The following IL5RA variants were observed in gnomAD, a reference collection of about 807,000 sequenced individuals.
IL5RA encodes the protein interleukin-5 receptor subunit alpha.
In IL5RA, 49 loss-of-function variants were observed where a neutral mutation model predicts 50.0. The observed-to-expected ratio is 0.98, with a 90% CI of 0.78 to 1.24. IL5RA has a LOEUF of 1.24. IL5RA is among the 50% of genes most tolerant of loss of function. The pLI is 0.00. For missense variants in IL5RA, 600 were observed against 500.4 expected (o/e 1.20, Z -1.90); for synonymous variants, 202 against 174.0 (o/e 1.16, Z -1.26).
At chr3:3,107,232 A>G (rs1214089250) in intron 2 of IL5RA, among the ~76,000 whole-genome samples, 6 of 137,318 alleles carry the variant, frequency 4.4e-5, no homozygotes, top group East Asian at 2.1e-4. Flanking sequence ...AGGGGTCTAA[A>G]TATTAAAAAG....
chr3:3,102,551 G>A lies in IL5RA; in HGVS notation c.228+124C>T, dbSNP rs1158492997. ...TTCTTAGAGAGACACTATTCTACTGGTAACATAACATAGAGCCTGTCAGTA... is the reference window on the plus strand; with the variant it reads ...TTCTTAGAGAGACACTATTCTACTGATAACATAACATAGAGCCTGTCAGTA... On this transcript the variant is annotated intron_variant, in intron 4 of 11. Coordinates refer to ENST00000446632, the MANE Select transcript of IL5RA (RefSeq NM_175726.4). 3 of 648,242 alleles carry A rather than the reference G, an allele frequency of 4.6e-6. No individual in the cohort carries two copies. The East Asian group carries it at 8.7e-5, about 19-fold the overall frequency. The allele number at this position is 648,242 out of a possible 1,614,324, so 40.2% of individuals were successfully genotyped here. A position where few individuals can be genotyped will look rare whatever the true frequency, so the allele number is the denominator to read the frequency against.
At chr3:3,078,871 G>A (rs1702573341) in intron 9 of IL5RA, among the ~76,000 whole-genome samples, 3 of 151,782 alleles carry the variant, frequency 2.0e-5, no homozygotes, top group Non-Finnish European at 4.4e-5. Flanking sequence ...AGGGATTCGG[G>A]CTGCTTCATT....
intron 9 of IL5RA, among the ~76,000 whole-genome samples, chr3:3,084,438 T>G (rs1358152846): frequency 2.0e-5 from 3 of 152,204 alleles, no homozygotes; most frequent in Non-Finnish European, 4.4e-5. Flanking sequence ...TTCCTACCCT[T>G]CAAGGATTTA....
At chr3:3,094,277 C>G (rs1559872497) in intron 8 of IL5RA, among the ~76,000 whole-genome samples, 1 of 152,122 alleles carries the variant, frequency 6.6e-6, no homozygotes, top group Non-Finnish European at 1.5e-5. Flanking sequence ...CTCCTTCCAC[C>G]CTCCTACCAA....
chr3:3,099,225 G>A (rs537411113), intron 5 of IL5RA, among the ~76,000 whole-genome samples: 4 of 152,304 alleles, frequency 2.6e-5, no homozygotes, highest in East Asian at 1.9e-4. Flanking sequence ...GGCCAGGCAC[G>A]GTGCTCATGC....
In IL5RA at chr3:3,105,106, T is replaced by A. The variant is rs143238062; in HGVS notation, c.-3-119A>T. On this transcript the variant is annotated intron_variant, in intron 2 of 11. Transcript: ENST00000446632. Reference sequence around the variant, plus strand: ...CATTTAACAGACATTTATGGCATATTTGTTATGCGCAAAAAGTACAAACAT... The same window carrying A: ...CATTTAACAGACATTTATGGCATATATGTTATGCGCAAAAAGTACAAACAT... 2.4e-3 allele frequency: 1,557 copies of A among 644,436 alleles called. 3 individuals carry two copies. The highest frequency in any genetic ancestry group is 3.9e-3 in the Non-Finnish European group (1,375 of 355,174). The allele number at this position is 644,436 out of a possible 1,614,324, so 39.9% of individuals were successfully genotyped here. A position where few individuals can be genotyped will look rare whatever the true frequency, so the allele number is the denominator to read the frequency against.
chr3:3,075,585 A>C (rs530433772), intron 10 of IL5RA, among the ~76,000 whole-genome samples: 1 of 150,182 alleles, frequency 6.7e-6, no homozygotes, highest in East Asian at 2.0e-4. Context: ...ATAATAGTAA[A>C]GCTGTTTAAT....
chr3:3,086,487 G>C (rs933170133), intron 9 of IL5RA, among the ~76,000 whole-genome samples: 36 of 152,090 alleles, frequency 2.4e-4, no homozygotes, highest in Admixed American at 2.2e-3. Context: ...AGATAAGACA[G>C]AGAAGCCAGC....
At chr3:3,104,726 C>T (rs1703821451) in intron 3 of IL5RA, among the ~76,000 whole-genome samples, 177 bp downstream of exon 3, 1 of 152,210 alleles carries the variant, frequency 6.6e-6, no homozygotes, top group Admixed American at 6.5e-5. Context: ...TTTCAGCCAA[C>T]ATTGCTTTCT....
intron 1 of IL5RA, among the ~76,000 whole-genome samples, chr3:3,109,668 C>A (rs967970599): frequency 3.3e-5 from 5 of 152,124 alleles, no homozygotes; most frequent in Non-Finnish European, 7.4e-5. Context: ...ATCAACATGA[C>A]CTGCCTAATG....
chr3:3,068,342 C>G lies in IL5RA; in HGVS notation c.*1883G>C, dbSNP rs1042999300. Reference sequence around the variant, plus strand: ...ATCCCAGTACTTTGGAAGGCTGAGGCCGGTGTATCGCTTGAGCCCAGGAGT... The same window carrying G: ...ATCCCAGTACTTTGGAAGGCTGAGGGCGGTGTATCGCTTGAGCCCAGGAGT... On this transcript the variant is annotated 3_prime_UTR_variant, in exon 12 of 12. Transcript: ENST00000446632. 1 of 152,074 alleles carries G rather than the reference C, an allele frequency of 6.6e-6. No individual in the cohort carries two copies. Among genetic ancestry groups the G allele is most frequent in the African/African-American group, 2.4e-5 (1 of 41,358 alleles). 9.4% of individuals were successfully genotyped at this position (152,074 alleles called of 1,614,324 possible).
chr3:3,101,178 CAAAA>C (rs10606924), intron 5 of IL5RA, among the ~76,000 whole-genome samples: 40,806 of 142,116 alleles, frequency 0.29, 5,891 homozygotes, highest in Admixed American at 0.36. Flanking sequence ...GATTCTATCT[CAAAA>C]AAAAAAAAAA....
intron 7 of IL5RA, among the ~76,000 whole-genome samples, chr3:3,097,251 A>G (rs1217134432): frequency 6.6e-6 from 1 of 152,226 alleles, no homozygotes; most frequent in Non-Finnish European, 1.5e-5. Flanking sequence ...CGAGCTGCAG[A>G]ACATCCAGGA....
chr3:3,072,153 G>A (rs1702321904), intron 11 of IL5RA, among the ~76,000 whole-genome samples: 1 of 152,248 alleles, frequency 6.6e-6, no homozygotes, highest in South Asian at 2.1e-4. Flanking sequence ...TGGACGTGGA[G>A]GCTGTGCACG....
At chr3:3,076,691 A>T in intron 9 of IL5RA, 64 bp from the exon 10 acceptor site, 1 of 1,052,678 alleles carries the variant, frequency 9.5e-7, no homozygotes, top group Non-Finnish European at 1.5e-6. Flanking sequence ...CAGGTAAAAG[A>T]AATGATGAGG....
intron 9 of IL5RA, among the ~76,000 whole-genome samples, chr3:3,079,472 C>T (rs534745781): frequency 6.6e-6 from 1 of 152,276 alleles, no homozygotes; most frequent in Admixed American, 6.5e-5. Flanking sequence ...TGGTTCATGT[C>T]GTCACTGCGT....
At chr3:3,105,627 C>T (rs1026671230) in intron 2 of IL5RA, 1 of 137,302 alleles carries the variant, frequency 7.3e-6, no homozygotes, top group African/African-American at 2.7e-5. Context: ...GTTTTGTTCC[C>T]CCCCCCACCC....
rs139198728 is a variant in IL5RA, at chr3:3,091,834, A to G, written c.994+390T>C. The G allele has an allele frequency of 4.8e-4, 113 of 233,850 alleles. 1 individual carries two copies. The East Asian group carries it at 0.014, about 30-fold the overall frequency. The allele number at this position is 233,850 out of a possible 1,614,324, so 14.5% of individuals were successfully genotyped here. ...CAATATTCTATTCCACTATTGTACT[A>G]TAGTTTTGTAAGATGTTACCCTTGA... On this transcript the variant is annotated intron_variant, in intron 9 of 11. Transcript: ENST00000446632.
intron 11 of IL5RA, among the ~76,000 whole-genome samples, chr3:3,070,978 T>G (rs746489215): frequency 6.6e-6 from 1 of 152,202 alleles, no homozygotes; most frequent in Non-Finnish European, 1.5e-5. Context: ...TTTGATAGCT[T>G]CATCATATTC....
Sources: allele counts gnomAD v4.1 joint callset (sites outside exome capture counted in the v4.1 genomes callset), GRCh38; gene constraint gnomAD v4.1.1; transcripts MANE v1.5; gene names NCBI Gene and HGNC (gene_info 2026-07-23, HGNC 2026-07-21).